The following OGN variants were observed in gnomAD, a reference collection of about 807,000 sequenced individuals.
The protein encoded by OGN is osteoglycin.
OGN carries 19 observed loss-of-function variants against 30.8 expected under a neutral mutation model. The observed-to-expected ratio is 0.62, with a 90% CI of 0.43 to 0.90. OGN has a LOEUF of 0.90. OGN is among the 40% of genes least tolerant of loss of function. OGN has a pLI of 0.00. For synonymous variants in OGN, 126 were observed against 128.3 expected (o/e 0.98, Z 0.12); for missense variants, 283 against 349.7 (o/e 0.81, Z 1.52).
At chr9:92,398,876 A>G (rs1316516809) in intron 3 of OGN, among the ~76,000 whole-genome samples, 2 of 152,142 alleles carry the variant, frequency 1.3e-5, no homozygotes, top group African/African-American at 4.8e-5. Flanking sequence ...AGCCTGACCA[A>G]CATGGTGAAA....
intron 3 of OGN, among the ~76,000 whole-genome samples, chr9:92,400,347 C>T (rs1234309798): frequency 3.3e-5 from 5 of 152,138 alleles, no homozygotes; most frequent in African/African-American, 1.2e-4. Flanking sequence ...GACAGGGTTT[C>T]ACCATCTTGA....
chr9:92,396,663 C>T (rs1448174780), intron 3 of OGN, among the ~76,000 whole-genome samples: 1 of 151,378 alleles, frequency 6.6e-6, no homozygotes, highest in Non-Finnish European at 1.5e-5. Flanking sequence ...CTCCTGGGCT[C>T]AAGCGATCCT....
rs1160605958 is a variant in OGN, at chr9:92,385,224, C to T, written c.*396G>A. The T allele has an allele frequency of 6.4e-6, 1 of 157,120 alleles. No individual in the cohort carries two copies. Among genetic ancestry groups the T allele is most frequent in the South Asian group, 2.0e-4 (1 of 5,088 alleles). 9.7% of individuals were successfully genotyped at this position (157,120 alleles called of 1,614,324 possible). A position where few individuals can be genotyped will look rare whatever the true frequency, so the allele number is the denominator to read the frequency against. ...TTTTCAAAGTTTTTGGAACATGTAC[C>T]TTAAATGCTTTTGGGATCCAGTAAA... On this transcript the variant is annotated 3_prime_UTR_variant, in exon 7 of 7. Coordinates refer to ENST00000375561, the MANE Select transcript of OGN (RefSeq NM_014057.5).
In OGN at chr9:92,385,594, T is replaced by C. The variant is rs188134362; in HGVS notation, c.*26A>G. On this transcript the variant is annotated 3_prime_UTR_variant, in exon 7 of 7. Coordinates refer to ENST00000375561, the MANE Select transcript of OGN (RefSeq NM_014057.5). ...ACAGACTATTAGTGTAGGTGTACTT[T>C]CATTTATATGTTGTACCAATAGAGG... 51 of 1,602,036 alleles carry C rather than the reference T, an allele frequency of 3.2e-5. No individual in the cohort carries two copies. The East Asian group carries it at 1.1e-3, about 35-fold the overall frequency.
Position 92,383,821 on chromosome 9 carries a change from G to A in OGN, c.*1799C>T, listed in dbSNP as rs1842327505. Reference sequence around the variant, plus strand: ...TGACTTTTGAATTTTTTCTTAATTTGAGAGTTATTTGATGGTGTTTTGCTC... The same window carrying A: ...TGACTTTTGAATTTTTTCTTAATTTAAGAGTTATTTGATGGTGTTTTGCTC... On this transcript the variant is annotated 3_prime_UTR_variant, in exon 7 of 7. Coordinates refer to ENST00000375561, the MANE Select transcript of OGN (RefSeq NM_014057.5). 1 of 151,540 alleles carries A rather than the reference G, an allele frequency of 6.6e-6. No individual in the cohort carries two copies. The highest frequency in any genetic ancestry group is 2.1e-4 in the South Asian group (1 of 4,790). The allele number at this position is 151,540 out of a possible 1,614,324, so 9.4% of individuals were successfully genotyped here.
At chr9:92,391,624 A>G (rs188381159) in intron 4 of OGN, among the ~76,000 whole-genome samples, 70 of 152,206 alleles carry the variant, frequency 4.6e-4, no homozygotes, top group African/African-American at 1.6e-3. Context: ...CCAAAAAACA[A>G]AAATCAATAA....
At chr9:92,394,402 A>G (rs1490403646) in intron 3 of OGN, among the ~76,000 whole-genome samples, 4 of 138,448 alleles carry the variant, frequency 2.9e-5, no homozygotes, top group Non-Finnish European at 6.2e-5. Flanking sequence ...GCCACCACAC[A>G]TGGCTATTTT....
intron 5 of OGN, 61 bp from the exon 6 acceptor site, chr9:92,386,357 A>G (rs1213346390): frequency 9.7e-6 from 10 of 1,026,064 alleles, no homozygotes; most frequent in African/African-American, 1.6e-5. Context: ...ACAGGATTCA[A>G]GCAATATATA....
At chr9:92,388,525 T>G (rs866213228) in intron 5 of OGN, among the ~76,000 whole-genome samples, 1 of 151,846 alleles carries the variant, frequency 6.6e-6, no homozygotes, top group African/African-American at 2.4e-5. Context: ...CAAATTAATA[T>G]TTTCAAATTA....
chr9:92,383,589 G>A lies in OGN; in HGVS notation c.*2031C>T, dbSNP rs913100646. Among the ~76,000 whole-genome samples the A allele has an allele frequency of 7.3e-5, 11 of 151,502 alleles. No individual in the cohort carries two copies. The highest frequency in any genetic ancestry group is 2.4e-4 in the African/African-American group (10 of 41,250). ...TATTTTTACTTTCTCTAATTATTTC[G>A]TCTGATATCTTCTGAATCTTGGTGG... On this transcript the variant is annotated 3_prime_UTR_variant, in exon 7 of 7. Transcript: ENST00000375561.
chr9:92,391,793 T>G (rs575468890), intron 4 of OGN, among the ~76,000 whole-genome samples: 11 of 152,280 alleles, frequency 7.2e-5, no homozygotes, highest in African/African-American at 2.4e-4. Flanking sequence ...AATTCAAATT[T>G]TTTGCCACTC....
intron 5 of OGN, chr9:92,389,582 A>G (rs1163190171): frequency 3.9e-6 from 1 of 257,384 alleles, no homozygotes; most frequent in Non-Finnish European, 7.3e-6. Flanking sequence ...ATGTCTGTCT[A>G]AATAAATATT....
intron 6 of OGN, 67 bp from the exon 7 acceptor site, chr9:92,385,857 G>A: frequency 6.6e-7 from 1 of 1,511,700 alleles, no homozygotes; most frequent in South Asian, 1.2e-5. Flanking sequence ...TATATAATGG[G>A]TAAAGGAAAC....
At chr9:92,402,905 A>G (rs2130932258) in intron 2 of OGN, among the ~76,000 whole-genome samples, 1 of 152,330 alleles carries the variant, frequency 6.6e-6, no homozygotes, top group Non-Finnish European at 1.5e-5. Context: ...TTTTGAGGCA[A>G]CACAACATTG....
intron 5 of OGN, among the ~76,000 whole-genome samples, chr9:92,387,673 C>G (rs1330983476): frequency 1.3e-5 from 2 of 152,182 alleles, no homozygotes; most frequent in Non-Finnish European, 2.9e-5. Flanking sequence ...CAGTGAGTCT[C>G]ATTTACATGA....
intron 4 of OGN, among the ~76,000 whole-genome samples, 180 bp downstream of exon 4, chr9:92,392,902 ATCTG>A (rs558134944): frequency 1.1e-3 from 164 of 152,326 alleles, no homozygotes; most frequent in Non-Finnish European, 1.9e-3. Context: ...AGATCACAGG[ATCTG>A]TCTAAGTGGA....
chr9:92,401,196 A>G lies in OGN; in HGVS notation c.175-11T>C. 1 of 1,275,576 alleles carries G rather than the reference A, an allele frequency of 7.8e-7. No homozygotes were observed. Among genetic ancestry groups the G allele is most frequent in the East Asian group, 2.3e-5 (1 of 42,936 alleles). The allele number at this position is 1,275,576 out of a possible 1,614,324, so 79.0% of individuals were successfully genotyped here. On this transcript the variant is annotated splice_polypyrimidine_tract_variant and intron_variant, in intron 2 of 6. Coordinates refer to ENST00000375561, the MANE Select transcript of OGN (RefSeq NM_014057.5). Reference sequence around the variant, plus strand: ...CACAGTTTCTTTTTCCTATTGGAAAAATAAAAGTTTGTTACCTAGCTTCAT... The same window carrying G: ...CACAGTTTCTTTTTCCTATTGGAAAGATAAAAGTTTGTTACCTAGCTTCAT...
At chr9:92,386,334 T>C in intron 5 of OGN, 38 bp from the exon 6 acceptor site, 1 of 1,314,634 alleles carries the variant, frequency 7.6e-7, no homozygotes, top group Non-Finnish European at 1.1e-6. Context: ...ATTGAGGTTC[T>C]GTACATTCTT....
At chr9:92,392,872 G>A (rs1842744054) in intron 4 of OGN, among the ~76,000 whole-genome samples, 1 of 152,188 alleles carries the variant, frequency 6.6e-6, no homozygotes, top group Non-Finnish European at 1.5e-5. Context: ...ATCATAGACA[G>A]TGAAGTCACC....
Sources: allele counts gnomAD v4.1 joint callset (sites outside exome capture counted in the v4.1 genomes callset), GRCh38; gene constraint gnomAD v4.1.1; transcripts MANE v1.5; gene names NCBI Gene and HGNC (gene_info 2026-07-23, HGNC 2026-07-21).